CACNA1H: variants seen among roughly 807,000 people sequenced by gnomAD.
CACNA1H encodes voltage-dependent T-type calcium channel subunit alpha-1H.
In CACNA1H, 149 loss-of-function variants were observed where a neutral mutation model predicts 192.5. The observed-to-expected ratio is 0.77, with a 90% confidence interval of 0.68 to 0.89. The LOEUF (loss-of-function observed/expected upper bound fraction) is 0.89, where lower values mean the gene tolerates loss of function less well. Ranked by LOEUF, CACNA1H falls within the 40% of genes least tolerant of loss-of-function variation. CACNA1H has a pLI of 0.00. For synonymous variants in CACNA1H, 2,202 were observed against 1,475.2 expected (o/e 1.49, Z -11.29); for missense variants, 4,257 against 3,423.5 (o/e 1.24, Z -6.08).
chr16:1,215,132 G>T, intron 28 of CACNA1H, 51 bp downstream of exon 28: 2 of 1,587,412 alleles, frequency 1.3e-6, no homozygotes, highest in Non-Finnish European at 1.7e-6. Context: ...AGGGCTCTGG[G>T]GGCTGGGGGC....
chr16:1,220,226 C>T lies in CACNA1H; in HGVS notation c.6294C>T (p.Asp2098=), dbSNP rs764545961. ...GEEAEASDPA[D]EEVSHITSSA... is the part of the protein sequence containing the mutation. ...AGGCCGAGGCCTCGGACCCAGCCGA[C>T]GAGGAGGTCAGCCACATCACCAGCT... is the stretch of plus-strand genomic sequence containing the variant. The change falls in exon 35 of 35, where the codon GAC becomes GAT. Residue 2098 remains aspartate, a synonymous_variant. Coordinates refer to ENST00000348261, the MANE Select transcript of CACNA1H (RefSeq NM_021098.3). 1.6e-5 allele frequency: 25 copies of T among 1,579,234 alleles called. No homozygotes were observed. The highest frequency in any genetic ancestry group is 2.8e-5 in the African/African-American group (2 of 72,388).
At chr16:1,184,771 G>A (rs759528357) in intron 2 of CACNA1H, among the ~76,000 whole-genome samples, 7 of 152,352 alleles carry the variant, frequency 4.6e-5, no homozygotes, top group Admixed American at 6.5e-5. Context: ...TCCAAAGGGC[G>A]CCTTCAGTGG....
chr16:1,207,057 A>T lies in CACNA1H; in HGVS notation c.2846A>T (p.Asp949Val), dbSNP rs541053755. The T allele has an allele frequency of 1.6e-5, 25 of 1,603,258 alleles. No homozygotes were observed. In the South Asian group the frequency reaches 2.5e-4, roughly 16 times the overall value. ...CKFSLKTDTG[D>V]TVPDRKNFDS... The stretch of plus-strand genomic sequence containing the variant: ...TTCAGCCTGAAGACAGACACCGGAG[A>T]CACCGTGCCTGACAGGAAGAACTTC... Residue 949 changes from aspartate (D) to valine (V), a missense_variant, in exon 13 of 35, where the codon GAC becomes GTC. Asp to Val is a radical substitution (Grantham distance 152). Transcript: ENST00000348261.
At chr16:1,155,946 T>C (rs535601306) in intron 2 of CACNA1H, among the ~76,000 whole-genome samples, 33 of 151,778 alleles carry the variant, frequency 2.2e-4, no homozygotes, top group African/African-American at 7.0e-4. Context: ...AGGAGTATGC[T>C]CTGGTAGCCC....
chr16:1,220,445 G>T lies in CACNA1H; in HGVS notation c.6513G>T (p.Trp2171Cys). ...GSGEPGEAKA[W>C]GPEAEPALGA... ...GGGAGCCTGGGGAGGCGAAGGCCTG[G>T]GGCCCTGAGGCCGAGCCCGCTCTGG... Residue 2171 changes from tryptophan (W) to cysteine (C), a missense_variant, in exon 35 of 35, where the codon TGG becomes TGT. Coordinates refer to ENST00000348261, the MANE Select transcript of CACNA1H (RefSeq NM_021098.3). The T allele has an allele frequency of 6.5e-7, 1 of 1,540,588 alleles. No individual in the cohort carries two copies.
Position 1,215,054 on chromosome 16 carries a change from T to G in CACNA1H, c.5012T>G (p.Phe1671Cys). 1 of 1,612,820 alleles carries G rather than the reference T, an allele frequency of 6.2e-7. No homozygotes were observed. The highest frequency in any genetic ancestry group is 8.5e-7 in the Non-Finnish European group (1 of 1,179,466). The change falls in exon 28 of 35, where the codon TTT (phenylalanine) becomes TGT (cysteine). Residue 1671 changes from phenylalanine (F) to cysteine (C), a missense_variant. By Grantham distance (205) the Phe-to-Cys change is radical. Coordinates refer to ENST00000348261, the MANE Select transcript of CACNA1H (RefSeq NM_021098.3). The stretch of plus-strand genomic sequence containing the variant: ...GAGGCTGCACTGAAGCTGGTAGCAT[T>G]TGGGTTCCGTCGGTTCTTCAAGGAC... Reference protein sequence around the residue: ...VFEAALKLVAFGFRRFFKDRW... With the variant: ...VFEAALKLVACGFRRFFKDRW...
At position 1,207,758 on chromosome 16, in the gene CACNA1H, T is replaced by A; in HGVS notation, c.3064-12T>A. 6.3e-7 allele frequency: 1 copy of A among 1,586,440 alleles called. No individual in the cohort carries two copies. The highest frequency in any genetic ancestry group is 8.6e-7 in the Non-Finnish European group (1 of 1,167,050). Reference sequence around the variant, plus strand: ...GGCCCCTCATGCCTGCCTTGTGCTTTGTTGGGTTTAGGGCGATGCCAACAG... The same window carrying A: ...GGCCCCTCATGCCTGCCTTGTGCTTAGTTGGGTTTAGGGCGATGCCAACAG... On this transcript the variant is annotated splice_polypyrimidine_tract_variant and intron_variant, in intron 14 of 34. Coordinates refer to ENST00000348261, the MANE Select transcript of CACNA1H (RefSeq NM_021098.3).
chr16:1,207,459 G>A lies in CACNA1H; in HGVS notation c.3063+29G>A, dbSNP rs202238994. On this transcript the variant is annotated intron_variant, in intron 14 of 34. Coordinates refer to ENST00000348261, the MANE Select transcript of CACNA1H (RefSeq NM_021098.3). ...AGGGGGCAGGGAGAGGGGCTGCCAG[G>A]AGGAGGGCGATGAGAAGAGAGACGG... The A allele has an allele frequency of 8.8e-5, 142 of 1,606,130 alleles. No homozygotes were observed. In the African/African-American group the frequency reaches 1.6e-3, roughly 18 times the overall value.
rs2141220799 is a variant in CACNA1H at position 1,198,679 on chromosome 16, G to T, written c.708G>T (p.Leu236=). 2.5e-6 allele frequency: 4 copies of T among 1,613,522 alleles called. No individual in the cohort carries two copies. Among genetic ancestry groups the T allele is most frequent in the Non-Finnish European group, 8.5e-7 (1 of 1,179,652 alleles). Residue 236 remains leucine, a synonymous_variant, in exon 6 of 35, where the codon CTG becomes CTT. Transcript: ENST00000348261. ...TLPMLGNVLL[L]CFFVFFIFGI... is the part of the protein sequence containing the mutation. ...CCATGCTCGGGAACGTCCTTCTGCT[G>T]TGCTTCTTCGTCTTCTTCATTTTCG...
chr16:1,213,772 C>G lies in CACNA1H; in HGVS notation c.4778-8C>G. On this transcript the variant is annotated splice_region_variant and splice_polypyrimidine_tract_variant and intron_variant, in intron 26 of 34. Transcript: ENST00000348261. ...CCTGCCCGGCGCTCATGGCCGCCCT[C>G]CCCGCAGAGGCCCAGCGCCGGCCCT... The G allele has an allele frequency of 6.5e-7, 1 of 1,544,160 alleles. No homozygotes were observed.
intron 18 of CACNA1H, 28 bp from the exon 19 acceptor site, chr16:1,210,342 C>CCCCCCGAA: frequency 1.0e-6 from 1 of 999,086 alleles, no homozygotes; most frequent in Non-Finnish European, 1.5e-6. Flanking sequence ...CGCCCCGCCC[C>CCCCCCGAA]ACCTCTCACC....
Position 1,211,178 on chromosome 16 carries a change from C to T in CACNA1H, c.4234C>T (p.Arg1412Trp), listed in dbSNP as rs772769994. The T allele has an allele frequency of 3.1e-6, 5 of 1,612,778 alleles. No individual in the cohort carries two copies. Among genetic ancestry groups the T allele is most frequent in the South Asian group, 1.1e-5 (1 of 91,080 alleles). ...RTLRPLRVISRAPGLKLVVET... is the reference protein window; with the variant it reads ...RTLRPLRVISWAPGLKLVVET... ...TTCACTCCCCTCCAGGGTCATCAGC[C>T]GGGCCCCGGGCCTCAAGCTGGTGGT... The change falls in exon 22 of 35, where the codon CGG (arginine) becomes TGG (tryptophan). Residue 1412 changes from arginine to tryptophan, a missense_variant. By Grantham distance (101) the Arg-to-Trp change is moderately radical (BLOSUM62 -3). Transcript: ENST00000348261.
At position 1,213,799 on chromosome 16, in the gene CACNA1H, C is replaced by T. The variant is rs1367437480; in HGVS notation, c.4797C>T (p.Tyr1599=). 6.4e-7 allele frequency: 1 copy of T among 1,569,738 alleles called. No individual in the cohort carries two copies. Among genetic ancestry groups the T allele is most frequent in the Non-Finnish European group, 8.6e-7 (1 of 1,159,778 alleles). Residue 1599 remains tyrosine, a synonymous_variant, in exon 27 of 35, where the codon TAC becomes TAT. Transcript: ENST00000348261. ...CCGCAGAGGCCCAGCGCCGGCCCTA[C>T]TATGCCGACTACTCGCCCACGCGCC... is the stretch of plus-strand genomic sequence containing the variant. ...FPSPEAQRRP[Y]YADYSPTRRS...
At chr16:1,207,502 G>C (rs1025569415) in intron 14 of CACNA1H, 72 bp downstream of exon 14, 4 of 1,483,826 alleles carry the variant, frequency 2.7e-6, no homozygotes, top group Non-Finnish European at 3.7e-6. Context: ...GTCGAGGGGA[G>C]GGGTGTGGGG....
chr16:1,202,374 G>C lies in CACNA1H; in HGVS notation c.1924G>C (p.Gly642Arg), dbSNP rs1461165872. The C allele has an allele frequency of 1.3e-6, 2 of 1,553,048 alleles. No homozygotes were observed. The highest frequency in any genetic ancestry group is 1.7e-6 in the Non-Finnish European group (2 of 1,150,252). The change falls in exon 9 of 35, where the codon GGC becomes CGC. Residue 642 changes from glycine to arginine, a missense_variant. Physicochemically the swap from Gly to Arg is moderately radical, Grantham distance 125 (BLOSUM62 -2). Transcript: ENST00000348261. Reference protein sequence around the residue: ...PKGKWAGGPPGTGGHGPLSLN... With the variant: ...PKGKWAGGPPRTGGHGPLSLN... The stretch of plus-strand genomic sequence containing the variant: ...GGGGAAGTGGGCCGGTGGACCGCCA[G>C]GCACCGGGGGGCACGGCCCGTTGAG...
intron 11 of CACNA1H, among the ~76,000 whole-genome samples, 167 bp from the exon 12 acceptor site, chr16:1,205,937 T>G (rs1207745603): frequency 6.6e-6 from 1 of 152,160 alleles, no homozygotes; most frequent in Non-Finnish European, 1.5e-5. Flanking sequence ...GCTTTTGAGG[T>G]GCTTCCGCAG....
At chr16:1,187,616 C>G (rs7186812) in intron 2 of CACNA1H, among the ~76,000 whole-genome samples, 3,838 of 152,342 alleles carry the variant, frequency 0.025, 94 homozygotes, top group African/African-American at 0.06. Flanking sequence ...CTGCAGAGCT[C>G]TGCCACCCCG....
rs1006768285 is a variant in CACNA1H, at chr16:1,155,286, G to A, written c.299+1250G>A. Among the ~76,000 whole-genome samples the A allele has an allele frequency of 2.0e-5, 3 of 152,198 alleles. No homozygotes were observed. In the South Asian group the frequency reaches 6.2e-4, roughly 31 times the overall value. ...CCTCGGAGCCCCACACCCGCTGCCC[G>A]GGCGGCCTAGGCCTCTGTAGCCTCA... On this transcript the variant is annotated intron_variant, in intron 2 of 34. Transcript: ENST00000348261.
intron 2 of CACNA1H, among the ~76,000 whole-genome samples, chr16:1,186,037 TACGGG>T (rs1966007959): frequency 2.0e-5 from 2 of 100,924 alleles, no homozygotes; most frequent in Non-Finnish European, 3.7e-5. Context: ...GCGGGGTGTG[TACGGG>T]GCGGGTGAGT....
Sources: allele counts gnomAD v4.1 joint callset (sites outside exome capture counted in the v4.1 genomes callset), GRCh38; gene constraint gnomAD v4.1.1; transcripts MANE v1.5; gene names NCBI Gene and HGNC (gene_info 2026-07-23, HGNC 2026-07-21).